Variants in CHRM3 observed in about 807,000 individuals in gnomAD.
CHRM3 encodes muscarinic acetylcholine receptor M3.
In CHRM3, 11 loss-of-function variants were observed where a neutral mutation model predicts 41.8. The observed-to-expected ratio is 0.26, with a 90% CI of 0.17 to 0.44. CHRM3 has a LOEUF of 0.44. Among genes scored for constraint, CHRM3 ranks in the 20% least tolerant of loss-of-function variants. The probability of loss-of-function intolerance (pLI) is 1.00; values close to 1 mark genes in which losing one functional copy is unlikely to be tolerated. For missense variants in CHRM3, 571 were observed against 745.4 expected (o/e 0.77, Z 2.72); for synonymous variants, 297 against 301.4 (o/e 0.99, Z 0.15).
intron 1 of CHRM3, among the ~76,000 whole-genome samples, chr1:239,392,471 G>T (rs148720764): frequency 6.6e-6 from 1 of 152,122 alleles, no homozygotes; most frequent in Non-Finnish European, 1.5e-5. Context: ...CCATGACATC[G>T]TCTACCTTCT....
rs543875140 is a variant in CHRM3 at position 239,803,738 on chromosome 1, C to T, written c.-146-23514C>T. On this transcript the variant is annotated intron_variant, in intron 5 of 6. Transcript: ENST00000676153. Reference sequence around the variant, plus strand: ...GTGTGGAAGGCAGGGGGTAGGTGATCAGGGTGATCAAGTCAAATGATGCAG... The same window carrying T: ...GTGTGGAAGGCAGGGGGTAGGTGATTAGGGTGATCAAGTCAAATGATGCAG... Among the ~76,000 whole-genome samples, 5 of 152,238 alleles carry T rather than the reference C, an allele frequency of 3.3e-5. No individual in the cohort carries two copies. The South Asian group carries it at 1.0e-3, about 32-fold the overall frequency.
At chr1:239,597,259 T>C (rs1487655082) in intron 3 of CHRM3, among the ~76,000 whole-genome samples, 4 of 152,212 alleles carry the variant, frequency 2.6e-5, no homozygotes, top group African/African-American at 9.6e-5. Context: ...ATGTTCTCTT[T>C]TCTCTAAGAA....
intron 6 of CHRM3, among the ~76,000 whole-genome samples, chr1:239,890,434 G>C (rs924828914): frequency 1.5e-4 from 23 of 151,992 alleles, no homozygotes; most frequent in Non-Finnish European, 4.4e-5. Flanking sequence ...TACTTAACTA[G>C]TCAAATGTTC....
intron 1 of CHRM3, among the ~76,000 whole-genome samples, chr1:239,465,159 C>T (rs1258763008): frequency 6.6e-6 from 1 of 152,080 alleles, no homozygotes; most frequent in African/African-American, 2.4e-5. Context: ...GTGAGCAAAT[C>T]TATTAAACAC....
At chr1:239,874,305 A>G (rs1418409869) in intron 6 of CHRM3, among the ~76,000 whole-genome samples, 1 of 119,330 alleles carries the variant, frequency 8.4e-6, no homozygotes, top group African/African-American at 3.6e-5. Flanking sequence ...ATATATATAT[A>G]TATATATATA....
intron 2 of CHRM3, among the ~76,000 whole-genome samples, chr1:239,545,090 G>A (rs961122437): frequency 6.6e-5 from 10 of 152,104 alleles, no homozygotes; most frequent in South Asian, 4.1e-4. Flanking sequence ...TTCACATCAC[G>A]GGATAAGTTT....
intron 5 of CHRM3, among the ~76,000 whole-genome samples, chr1:239,689,508 A>C (rs1659504263): frequency 6.6e-6 from 1 of 152,236 alleles, no homozygotes; most frequent in Admixed American, 6.5e-5. Flanking sequence ...TGTGAAATAG[A>C]TTTTTAATAT....
At chr1:239,837,005 GAGGC>G (rs1673379776) in intron 6 of CHRM3, among the ~76,000 whole-genome samples, 2 of 151,716 alleles carry the variant, frequency 1.3e-5, no homozygotes, top group African/African-American at 4.8e-5. Flanking sequence ...GTGAAGGGGA[GAGGC>G]AAGTATGAGG....
intron 1 of CHRM3, among the ~76,000 whole-genome samples, chr1:239,428,622 T>G (rs940109819): frequency 1.3e-5 from 2 of 152,098 alleles, no homozygotes; most frequent in African/African-American, 2.4e-5. Flanking sequence ...ACAGAGAAAA[T>G]TTTTTCATCG....
At chr1:239,465,282 C>T (rs1665643202) in intron 1 of CHRM3, among the ~76,000 whole-genome samples, 1 of 151,894 alleles carries the variant, frequency 6.6e-6, no homozygotes, top group African/African-American at 2.4e-5. Flanking sequence ...ACTTTCTGGG[C>T]TTATGAGATA....
At chr1:239,664,390 A>G (rs982906386) in intron 4 of CHRM3, among the ~76,000 whole-genome samples, 3 of 152,224 alleles carry the variant, frequency 2.0e-5, no homozygotes, top group African/African-American at 4.8e-5. Context: ...GTGCTCTTGA[A>G]TGAAAGTGAC....
chr1:239,408,372 G>A (rs1017735862), intron 1 of CHRM3: 26 of 151,778 alleles, frequency 1.7e-4, no homozygotes, highest in African/African-American at 6.3e-4. Flanking sequence ...AAATACAAAA[G>A]AATTAGCCGG....
chr1:239,479,313 A>G (rs998666034), intron 1 of CHRM3, among the ~76,000 whole-genome samples: 1 of 152,100 alleles, frequency 6.6e-6, no homozygotes, highest in Non-Finnish European at 1.5e-5. Flanking sequence ...ACCACACTGT[A>G]TGCGTTATAG....
chr1:239,655,383 G>A (rs1672621892), intron 4 of CHRM3, among the ~76,000 whole-genome samples: 1 of 152,202 alleles, frequency 6.6e-6, no homozygotes, highest in Non-Finnish European at 1.5e-5. Flanking sequence ...ACTCAAGGCT[G>A]CATCAAAAAC....
intron 5 of CHRM3, among the ~76,000 whole-genome samples, chr1:239,691,777 T>C (rs1659744899): frequency 6.6e-6 from 1 of 152,196 alleles, no homozygotes; most frequent in Non-Finnish European, 1.5e-5. Context: ...GTGAATTAAA[T>C]GTCTGTCTCC....
chr1:239,850,000 G>A (rs969490011), intron 6 of CHRM3, among the ~76,000 whole-genome samples: 1 of 151,938 alleles, frequency 6.6e-6, no homozygotes, highest in African/African-American at 2.4e-5. Flanking sequence ...AAATTCCTGG[G>A]AAAATAAATA....
In CHRM3 at chr1:239,909,210, G is replaced by A. The variant is rs760697801; in HGVS notation, c.1759G>A (p.Glu587Lys). The A allele has an allele frequency of 2.7e-5, 44 of 1,606,994 alleles. No homozygotes were observed. The highest frequency in any genetic ancestry group is 1.1e-4 in the South Asian group (10 of 89,506). ...GGTCATTTTTCACAAGCGCGCACCC[G>A]AGCAGGCCTTGTAGAATGAGGTTGT... ...QSVIFHKRAP[E>K]QAL Residue 587 changes from glutamate (E) to lysine (K), a missense_variant, in exon 7 of 7, where the codon GAG (glutamate) becomes AAG (lysine). Glu to Lys is a moderately conservative substitution (Grantham distance 56). Transcript: ENST00000676153.
chr1:239,590,106 C>T (rs1282041388), intron 3 of CHRM3, among the ~76,000 whole-genome samples: 2 of 152,092 alleles, frequency 1.3e-5, no homozygotes, highest in African/African-American at 4.8e-5. Context: ...TCAAGGTCAC[C>T]TTCATAGATC....
intron 4 of CHRM3, among the ~76,000 whole-genome samples, chr1:239,648,551 C>T (rs543401744): frequency 6.6e-6 from 1 of 152,260 alleles, no homozygotes; most frequent in Non-Finnish European, 1.5e-5. Context: ...AGCCCCACCC[C>T]TCTATGTGTG....
Sources: gnomAD v4.1 joint callset for allele counts (sites outside exome capture counted in the v4.1 genomes callset) on GRCh38, gnomAD v4.1.1 for gene constraint, MANE v1.5 for transcripts, NCBI Gene and HGNC (gene_info 2026-07-23, HGNC 2026-07-21) for gene names.